LUZP2: variants seen among roughly 807,000 people sequenced by gnomAD.
LUZP2 encodes the protein leucine zipper protein 2.
A neutral mutation model predicts 51.6 loss-of-function variants in LUZP2; 52 were observed. The observed-to-expected ratio is 1.01, with a 90% CI of 0.81 to 1.27. The LOEUF (loss-of-function observed/expected upper bound fraction) is 1.27. Among genes scored for constraint, LUZP2 ranks in the 50% most tolerant of loss-of-function variants. The pLI, the probability that LUZP2 is intolerant of heterozygous loss-of-function variation, is 0.00. For missense variants in LUZP2, 436 were observed against 395.4 expected, an observed-to-expected ratio of 1.10 and a Z score of -0.87; for synonymous variants, 154 against 137.3, an observed-to-expected ratio of 1.12 and a Z score of -0.85.
At chr11:24,740,842 T>C (rs1277759443) in intron 4 of LUZP2, among the ~76,000 whole-genome samples, 1 of 152,126 alleles carries the variant, frequency 6.6e-6, no homozygotes, top group Non-Finnish European at 1.5e-5. Context: ...AAGAAGTATG[T>C]CAATGGTACT....
chr11:24,715,170 A>AC (rs1375974225), intron 1 of LUZP2, among the ~76,000 whole-genome samples: 1 of 151,820 alleles, frequency 6.6e-6, no homozygotes, highest in Non-Finnish European at 1.5e-5. Flanking sequence ...GTTTGAAAAA[A>AC]AGACATATGC....
intron 7 of LUZP2, among the ~76,000 whole-genome samples, chr11:24,963,308 A>C (rs1410279801): frequency 2.0e-5 from 3 of 152,138 alleles, no homozygotes. Flanking sequence ...TCAGACAGGG[A>C]CATTTAAGTC....
intron 1 of LUZP2, among the ~76,000 whole-genome samples, chr11:24,571,714 A>C (rs189987347): frequency 8.5e-5 from 13 of 152,188 alleles, no homozygotes; most frequent in African/African-American, 3.1e-4. Flanking sequence ...TATTTGTTTT[A>C]ACTCTGTGAT....
intron 5 of LUZP2, among the ~76,000 whole-genome samples, chr11:24,895,655 C>T (rs1047695713): frequency 2.0e-5 from 3 of 152,100 alleles, no homozygotes; most frequent in Non-Finnish European, 2.9e-5. Context: ...TAACAATATC[C>T]AGTTGCATCT....
intron 7 of LUZP2, among the ~76,000 whole-genome samples, chr11:24,921,232 G>A (rs1854043416): frequency 6.6e-6 from 1 of 152,108 alleles, no homozygotes; most frequent in African/African-American, 2.4e-5. Context: ...GGAACAAAGA[G>A]GAACCACATG....
chr11:24,750,090 A>T (rs1859524684), intron 4 of LUZP2, among the ~76,000 whole-genome samples: 2 of 152,214 alleles, frequency 1.3e-5, no homozygotes, highest in African/African-American at 4.8e-5. Context: ...GCTGATAAAA[A>T]CTTTATCTGA....
chr11:25,038,657 A>G (rs564867630), intron 9 of LUZP2, among the ~76,000 whole-genome samples: 32 of 152,234 alleles, frequency 2.1e-4, no homozygotes, highest in Non-Finnish European at 4.4e-4. Flanking sequence ...ATTTCAGACA[A>G]TTCAGACTGA....
intron 1 of LUZP2, among the ~76,000 whole-genome samples, chr11:24,675,481 C>T (rs1441922206): frequency 6.6e-6 from 1 of 152,112 alleles, no homozygotes; most frequent in Non-Finnish European, 1.5e-5. Context: ...TGCAGAACTG[C>T]TCAGCAGAAA....
In LUZP2 at chr11:24,559,800, T is replaced by C. The variant is rs555248275; in HGVS notation, c.62+62495T>C. ...GTGAGCATTGTTGTGTCTCTAAACT[T>C]ATAGAAAGGGATAAACATTTGGATT... On this transcript the variant is annotated intron_variant, in intron 1 of 11. Coordinates refer to ENST00000336930, the MANE Select transcript of LUZP2 (RefSeq NM_001009909.4). Among the ~76,000 whole-genome samples, 3 of 152,282 alleles carry C rather than the reference T, an allele frequency of 2.0e-5. No homozygotes were observed. In the East Asian group the frequency reaches 5.8e-4, roughly 30 times the overall value.
chr11:24,585,714 G>A (rs951685367), intron 1 of LUZP2, among the ~76,000 whole-genome samples: 5 of 152,030 alleles, frequency 3.3e-5, no homozygotes, highest in African/African-American at 1.2e-4. Flanking sequence ...TTAAGAGACT[G>A]ATGAACATAG....
chr11:24,914,410 T>C, intron 6 of LUZP2, 66 bp from the exon 7 acceptor site: 1 of 1,170,522 alleles, frequency 8.5e-7, no homozygotes, highest in Non-Finnish European at 1.3e-6. Flanking sequence ...AGTCTGAAAG[T>C]ATTTTAATCT....
intron 5 of LUZP2, among the ~76,000 whole-genome samples, chr11:24,840,365 G>GT (rs932099388): frequency 1.3e-5 from 2 of 151,904 alleles, no homozygotes; most frequent in Middle Eastern, 3.4e-3. Flanking sequence ...GTACCAGATG[G>GT]TTTTTTGACA....
Position 25,060,953 on chromosome 11 carries a change from TA to T in LUZP2, c.858+10824del, listed in dbSNP as rs1407180436. 2.6e-5 allele frequency among the ~76,000 whole-genome samples: 4 copies of T among 152,314 alleles called. No homozygotes were observed. The East Asian group carries it at 7.7e-4, about 29-fold the overall frequency. ...GAAATATTGCTGAAATATAGTAATC[TA>T]TTTTTTGTTGATTTATATTCTCCAA... On this transcript the variant is annotated intron_variant, in intron 10 of 11. Transcript: ENST00000336930.
chr11:24,576,483 T>C (rs1162828965), intron 1 of LUZP2, among the ~76,000 whole-genome samples: 1 of 151,860 alleles, frequency 6.6e-6, no homozygotes, highest in African/African-American at 2.4e-5. Flanking sequence ...GTCAATTTTT[T>C]TCTATAATCT....
chr11:25,048,456 A>T (rs1034717417), intron 9 of LUZP2, among the ~76,000 whole-genome samples: 15 of 152,164 alleles, frequency 9.9e-5, no homozygotes, highest in Admixed American at 5.9e-4. Context: ...TACTTATGTG[A>T]ATAACAATCA....
chr11:24,863,870 T>A (rs1851810630), intron 5 of LUZP2, among the ~76,000 whole-genome samples: 1 of 152,178 alleles, frequency 6.6e-6, no homozygotes, highest in Non-Finnish European at 1.5e-5. Context: ...TAAGATATCA[T>A]AATTGAGATT....
chr11:24,767,884 C>T (rs12280364), intron 5 of LUZP2, among the ~76,000 whole-genome samples: 12,196 of 152,142 alleles, frequency 0.08, 1,058 homozygotes, highest in African/African-American at 0.22. Flanking sequence ...ATGGCAACTG[C>T]CTCATCATGT....
At chr11:24,656,562 C>A (rs1346082819) in intron 1 of LUZP2, among the ~76,000 whole-genome samples, 1 of 152,124 alleles carries the variant, frequency 6.6e-6, no homozygotes, top group African/African-American at 2.4e-5. Flanking sequence ...GTCTGCAGGG[C>A]CTCATTCCTT....
intron 9 of LUZP2, among the ~76,000 whole-genome samples, chr11:25,002,878 C>T (rs1226991082): frequency 6.6e-6 from 1 of 152,106 alleles, no homozygotes; most frequent in African/African-American, 2.4e-5. Flanking sequence ...CCCTCTGGGT[C>T]TCCTTGATTA....
Sources: gnomAD v4.1 joint callset for allele counts (sites outside exome capture counted in the v4.1 genomes callset) on GRCh38, gnomAD v4.1.1 for gene constraint, MANE v1.5 for transcripts, NCBI Gene and HGNC (gene_info 2026-07-23, HGNC 2026-07-21) for gene names.